ZAN: variants seen among roughly 807,000 people sequenced by gnomAD.
ZAN encodes the protein zonadhesin, also known as zonadhesin (gene/pseudogene).
Under a neutral mutation model 286.2 loss-of-function variants are expected in ZAN, and 260 were observed. That is an observed-to-expected ratio of 0.91 (90% CI 0.82 to 1.01). ZAN has a LOEUF of 1.01. Ranked by LOEUF, ZAN falls within the 50% of genes least tolerant of loss-of-function variation. The probability of loss-of-function intolerance (pLI) is 0.00; values close to 1 mark genes in which losing one functional copy is unlikely to be tolerated. For missense variants in ZAN, 3,410 were observed against 3,639.2 expected (o/e 0.94, Z 1.62); for synonymous variants, 1,368 against 1,417.5 (o/e 0.97, Z 0.79).
chr7:100,771,552 C>T (rs999873431), intron 28 of ZAN, among the ~76,000 whole-genome samples: 1 of 152,094 alleles, frequency 6.6e-6, no homozygotes, highest in African/African-American at 2.4e-5. Flanking sequence ...CTGCCCCAAC[C>T]TCCCGAGTTG....
At chr7:100,779,844 C>G (rs866876997) in intron 35 of ZAN, 94 bp downstream of exon 35, 6 of 1,309,318 alleles carry the variant, frequency 4.6e-6, no homozygotes, top group Non-Finnish European at 6.1e-6. Context: ...CCTGTTCGTT[C>G]CTGACTAACT....
At chr7:100,780,729 T>A (rs937465246) in intron 35 of ZAN, among the ~76,000 whole-genome samples, 3 of 151,702 alleles carry the variant, frequency 2.0e-5, no homozygotes, top group Non-Finnish European at 4.4e-5. Context: ...CCTCACCCCA[T>A]GGGCCTGGTT....
Position 100,767,032 on chromosome 7 carries a change from G to C in ZAN, c.4635G>C (p.Ser1545=), listed in dbSNP as rs764271983. Residue 1545 remains serine (S), a synonymous_variant, in exon 25 of 48, where the codon TCG becomes TCC. Transcript: ENST00000613979. ...CAGGTGCCGCCACCTGCACAGCCTCGGGTGACCCCCACTACCTGACCTTCG... is the reference window on the plus strand; with the variant it reads ...CAGGTGCCGCCACCTGCACAGCCTCCGGTGACCCCCACTACCTGACCTTCG... ...HAQGAATCTA[S]GDPHYLTFDG... 5.0e-6 allele frequency: 8 copies of C among 1,613,752 alleles called. No homozygotes were observed. In the South Asian group the frequency reaches 7.7e-5, roughly 16 times the overall value.
At chr7:100,758,102 A>G (rs1472125596) in intron 15 of ZAN, 100 bp from the exon 16 acceptor site, 2 of 913,540 alleles carry the variant, frequency 2.2e-6, no homozygotes, top group African/African-American at 3.7e-5. Context: ...ATAAATAAAT[A>G]AATAAATAAA....
chr7:100,785,358 G>C (rs1415443292), intron 36 of ZAN, among the ~76,000 whole-genome samples: 1 of 150,750 alleles, frequency 6.6e-6, no homozygotes, highest in Non-Finnish European at 1.5e-5. Flanking sequence ...AGTCTCCTGT[G>C]TAGCTGGGAT....
In ZAN at chr7:100,766,650, T is replaced by A. The variant is rs1431197152; in HGVS notation, c.4596T>A (p.Tyr1532Ter). ...TCTGTGGCCAACAGGATGGTATCTA[T>A]GGCTGCCATGCCCAAGGTGAGCCAT... ...QEFCGQQDGI[Y>*]GCHAQGAATC... Residue 1532 changes from tyrosine (Y) to a stop codon, truncating the protein, a stop_gained, in exon 24 of 48, where the codon TAT (tyrosine) becomes TAA (stop). Transcript: ENST00000613979. LOFTEE classifies it high-confidence loss of function. The A allele has an allele frequency of 1.3e-6, 2 of 1,567,444 alleles. No individual in the cohort carries two copies. Among genetic ancestry groups the A allele is most frequent in the South Asian group, 2.4e-5 (2 of 84,962 alleles).
rs1811998454 is a variant in ZAN at position 100,791,997 on chromosome 7, G to C, written c.7561G>C (p.Ala2521Pro). ...ACCAGCGGAGGAGGAGGGACAAGGG[G>C]CGGAGCTGGGCCTCCGCACGGGCCT... ...AIPAEEEGQG[A>P]ELGLRTGLQV... The change falls in exon 41 of 48, where the codon GCG becomes CCG. Residue 2521 changes from alanine (A) to proline (P), a missense_variant. Transcript: ENST00000613979. The C allele has an allele frequency of 1.2e-6, 2 of 1,613,150 alleles. No homozygotes were observed. The highest frequency in any genetic ancestry group is 2.7e-5 in the African/African-American group (2 of 74,924).
chr7:100,759,572 C>A lies in ZAN; in HGVS notation c.3572-149C>A, dbSNP rs1003546183. The A allele has an allele frequency of 3.4e-5, 34 of 1,011,908 alleles. No individual in the cohort carries two copies. In the African/African-American group the frequency reaches 5.7e-4, roughly 17 times the overall value. 62.7% of individuals were successfully genotyped at this position (1,011,908 alleles called of 1,614,324 possible). On this transcript the variant is annotated intron_variant, in intron 17 of 47. Transcript: ENST00000613979. ...CTGGAAGAGGCAGTCGTGGTCTGCTCCTGTGTGGATCCGGCCTCCCCTACT... is the reference window on the plus strand; with the variant it reads ...CTGGAAGAGGCAGTCGTGGTCTGCTACTGTGTGGATCCGGCCTCCCCTACT...
rs1808904899 is a variant in ZAN at position 100,753,173 on chromosome 7, G to GT, written c.3069dup (p.Thr1024TyrfsTer42). 1.2e-6 allele frequency: 2 copies of GT among 1,613,660 alleles called. No homozygotes were observed. Among genetic ancestry groups the GT allele is most frequent in the East Asian group, 4.5e-5 (2 of 44,882 alleles). Reference sequence around the variant, plus strand: ...TTGGTGATGTCTCCACATGCTCCAAGTACCCCTATGACCAGTGTGATTCTG... The same window carrying GT: ...TTGGTGATGTCTCCACATGCTCCAAGTTACCCCTATGACCAGTGTGATTCTG... On this transcript the variant is annotated frameshift_variant, in exon 14 of 48. Transcript: ENST00000613979. LOFTEE classifies it high-confidence loss of function.
rs188108512 is a variant in ZAN, at chr7:100,797,197, T to C, written c.8267-169T>C. On this transcript the variant is annotated intron_variant, in intron 45 of 47. Transcript: ENST00000613979. Reference sequence around the variant, plus strand: ...GGGTTGGGGAGGGGGCACTAAGACCTTGGAGTCCCTGGAGGTGAGAACCTC... The same window carrying C: ...GGGTTGGGGAGGGGGCACTAAGACCCTGGAGTCCCTGGAGGTGAGAACCTC... 2.6e-3 allele frequency among the ~76,000 whole-genome samples: 398 copies of C among 152,086 alleles called. 1 individual carries two copies. Among genetic ancestry groups the C allele is most frequent in the Non-Finnish European group, 3.7e-3 (250 of 67,986 alleles).
intron 8 of ZAN, 123 bp downstream of exon 8, chr7:100,746,825 C>A: frequency 1.7e-6 from 2 of 1,197,498 alleles, no homozygotes; most frequent in Non-Finnish European, 1.2e-6. Flanking sequence ...CGAGACTATT[C>A]CATGAAGTGG....
Position 100,737,030 on chromosome 7 carries a change from T to G in ZAN, c.475T>G (p.Trp159Gly). ...ACACTGGAACACCCAGAGACCCTCCTGGATGCTCACCACCGTCACTGTGCC... is the reference window on the plus strand; with the variant it reads ...ACACTGGAACACCCAGAGACCCTCCGGGATGCTCACCACCGTCACTGTGCC... ...WKHWNTQRPSWMLTTVTVPAG... is the reference protein window; with the variant it reads ...WKHWNTQRPSGMLTTVTVPAG... The change falls in exon 5 of 48, where the codon TGG (tryptophan) becomes GGG (glycine). Residue 159 changes from tryptophan to glycine, a missense_variant. This residue lies in a region of ZAN where 872 missense variants were observed against 938.9 expected (regional missense o/e 0.93). Transcript: ENST00000613979. 1.3e-6 allele frequency: 2 copies of G among 1,499,578 alleles called. No homozygotes were observed. Among genetic ancestry groups the G allele is most frequent in the Non-Finnish European group, 1.8e-6 (2 of 1,096,100 alleles). 92.9% of individuals were successfully genotyped at this position (1,499,578 alleles called of 1,614,324 possible). A position where few individuals can be genotyped will look rare whatever the true frequency, so the allele number is the denominator to read the frequency against.
At chr7:100,740,462 T>G (rs1368225848) in intron 7 of ZAN, among the ~76,000 whole-genome samples, 1 of 70,420 alleles carries the variant, frequency 1.4e-5, no homozygotes. Flanking sequence ...CCGCAGTGTT[T>G]GTGTCCCTGA....
At chr7:100,766,832 G>A (rs917008362) in intron 24 of ZAN, among the ~76,000 whole-genome samples, 166 bp downstream of exon 24, 3 of 152,182 alleles carry the variant, frequency 2.0e-5, no homozygotes, top group Admixed American at 6.6e-5. Context: ...GGTTGGGGAC[G>A]TCAGTGTTTC....
intron 7 of ZAN, among the ~76,000 whole-genome samples, chr7:100,738,858 CTCTT>C (rs1807493805): frequency 1.2e-5 from 1 of 85,142 alleles, no homozygotes; most frequent in African/African-American, 3.7e-5. Flanking sequence ...CTTCTTCTTT[CTCTT>C]CCTCTTCTTC....
At chr7:100,743,255 C>T (rs142267802) in intron 7 of ZAN, among the ~76,000 whole-genome samples, 2,879 of 152,080 alleles carry the variant, frequency 0.019, 45 homozygotes, top group Middle Eastern at 0.027. Context: ...GATCTTCTGA[C>T]CTCGTGATCC....
chr7:100,746,975 A>T (rs1247912103), intron 8 of ZAN, among the ~76,000 whole-genome samples: 3 of 151,998 alleles, frequency 2.0e-5, no homozygotes, highest in Non-Finnish European at 4.4e-5. Context: ...TCCCAGCTAC[A>T]CGGGAGGCTG....
chr7:100,784,754 C>T lies in ZAN; in HGVS notation c.6754C>T (p.Pro2252Ser). 1 of 1,613,896 alleles carries T rather than the reference C, an allele frequency of 6.2e-7. No individual in the cohort carries two copies. The highest frequency in any genetic ancestry group is 8.5e-7 in the Non-Finnish European group (1 of 1,179,868). Residue 2252 changes from proline to serine, a missense_variant, in exon 36 of 48, where the codon CCC (proline) becomes TCC (serine). Physicochemically the swap from Pro to Ser is moderately conservative, Grantham distance 74 (BLOSUM62 -1). This residue lies in a region of ZAN where 1,289 missense variants were observed against 1,314.3 expected (regional missense o/e 0.98). Coordinates refer to ENST00000613979, the MANE Select transcript of ZAN (RefSeq NM_003386.3). ...CTGCGCTGAGGGCTGCATTTGTCAG[C>T]CCGGCTATGTGCTGAGTGAAGACAA... ...SACAEGCICQ[P>S]GYVLSEDKCV... is the part of the protein sequence containing the mutation.
Position 100,773,701 on chromosome 7 carries a change from C to T in ZAN, c.5635-20C>T, listed in dbSNP as rs1810551335. ...CAATTCCAACTTTCTGTTGGCTCAG[C>T]TGATCCCTGTGGCCCACAGGTCGGG... On this transcript the variant is annotated intron_variant, in intron 30 of 47. Coordinates refer to ENST00000613979, the MANE Select transcript of ZAN (RefSeq NM_003386.3). The T allele has an allele frequency of 3.7e-6, 6 of 1,602,712 alleles. No individual in the cohort carries two copies. The highest frequency in any genetic ancestry group is 5.1e-6 in the Non-Finnish European group (6 of 1,174,462).
Sources: gnomAD v4.1 joint callset for allele counts (sites outside exome capture counted in the v4.1 genomes callset) on GRCh38, gnomAD v4.1.1 for gene constraint, gnomAD v4.1.1 regional missense constraint, MANE v1.5 for transcripts, NCBI Gene and HGNC (gene_info 2026-07-23, HGNC 2026-07-21) for gene names.